The following CTIF variants were observed in gnomAD, a reference collection of about 807,000 sequenced individuals.
CTIF encodes the protein cap binding complex dependent translation initiation factor.
In CTIF, 21 loss-of-function variants were observed where a neutral mutation model predicts 66.0. The observed-to-expected ratio is 0.32, with a 90% confidence interval of 0.23 to 0.46. CTIF has a LOEUF of 0.46. Ranked by LOEUF, CTIF falls within the 20% of genes least tolerant of loss-of-function variation. The pLI, the probability that CTIF is intolerant of heterozygous loss-of-function variation, is 1.00. For missense variants in CTIF, 739 were observed against 812.7 expected, an observed-to-expected ratio of 0.91 and a Z score of 1.10; for synonymous variants, 345 against 326.4, an observed-to-expected ratio of 1.06 and a Z score of -0.62.
intron 5 of CTIF, among the ~76,000 whole-genome samples, chr18:48,667,719 G>A (rs73958911): frequency 1.3e-5 from 2 of 152,140 alleles, no homozygotes; most frequent in East Asian, 1.9e-4. Flanking sequence ...TAAATTCCTC[G>A]GCCAGTCTCA....
intron 7 of CTIF, among the ~76,000 whole-genome samples, chr18:48,730,392 G>C (rs1208665972): frequency 1.5e-5 from 2 of 130,386 alleles, no homozygotes; most frequent in Admixed American, 8.0e-5. Context: ...GGCTCCTGCT[G>C]TGTGAGGGGC....
At chr18:48,719,724 T>G (rs1468566971) in intron 7 of CTIF, among the ~76,000 whole-genome samples, 2 of 152,218 alleles carry the variant, frequency 1.3e-5, no homozygotes, top group Non-Finnish European at 1.5e-5. Context: ...CTTCTCATGG[T>G]TCTGTTTACT....
At chr18:48,663,461 G>T (rs1034109553) in intron 3 of CTIF, among the ~76,000 whole-genome samples, 1 of 152,132 alleles carries the variant, frequency 6.6e-6, no homozygotes, top group South Asian at 2.1e-4. Context: ...GCTCTGGGTG[G>T]TACAGAGCCC....
At chr18:48,838,496 GC>G (rs542246964) in intron 10 of CTIF, among the ~76,000 whole-genome samples, 1 of 152,048 alleles carries the variant, frequency 6.6e-6, no homozygotes, top group Non-Finnish European at 1.5e-5. Flanking sequence ...ATTTTTGTCC[GC>G]CCCCCTGAAA....
chr18:48,782,073 T>C (rs755507638), intron 9 of CTIF, among the ~76,000 whole-genome samples: 5 of 151,654 alleles, frequency 3.3e-5, no homozygotes, highest in Admixed American at 6.6e-5. Context: ...GTGGGTAGGA[T>C]CAAGACTTAG....
Position 48,711,604 on chromosome 18 carries a change from C to A in CTIF, c.508-15C>A, listed in dbSNP as rs766443687. The A allele has an allele frequency of 1.9e-6, 3 of 1,609,598 alleles. No homozygotes were observed. The highest frequency in any genetic ancestry group is 1.1e-5 in the South Asian group (1 of 90,856). ...GGAGTTACTAATGATCCCCCTTCCT[C>A]CCCCCATGACACAGGGCTACCACCC... On this transcript the variant is annotated splice_polypyrimidine_tract_variant and intron_variant, in intron 6 of 11. Coordinates refer to ENST00000256413, the MANE Select transcript of CTIF (RefSeq NM_014772.3).
At chr18:48,785,190 C>A (rs1322492927) in intron 9 of CTIF, among the ~76,000 whole-genome samples, 1 of 152,078 alleles carries the variant, frequency 6.6e-6, no homozygotes, top group African/African-American at 2.4e-5. Context: ...TCCTTCCTTC[C>A]CTCTCTTTCT....
chr18:48,626,166 T>A (rs1349637298), intron 2 of CTIF, among the ~76,000 whole-genome samples: 2 of 151,716 alleles, frequency 1.3e-5, no homozygotes, highest in African/African-American at 4.8e-5. Flanking sequence ...CACACCTGGC[T>A]AATTTTCGTA....
chr18:48,671,008 G>A (rs948097203), intron 6 of CTIF, among the ~76,000 whole-genome samples: 6 of 152,194 alleles, frequency 3.9e-5, no homozygotes, highest in Admixed American at 2.6e-4. Flanking sequence ...AATAGACCAT[G>A]CCCTGGCAAC....
chr18:48,732,712 C>A (rs982460963), intron 7 of CTIF, among the ~76,000 whole-genome samples: 1 of 152,228 alleles, frequency 6.6e-6, no homozygotes, highest in Non-Finnish European at 1.5e-5. Context: ...CGCAGCATTG[C>A]CTCTCCTCCA....
At position 48,609,908 on chromosome 18, in the gene CTIF, G is replaced by A. The variant is rs948325282; in HGVS notation, c.-28-9630G>A. Among the ~76,000 whole-genome samples, 94 of 152,184 alleles carry A rather than the reference G, an allele frequency of 6.2e-4. 1 individual carries two copies. Among genetic ancestry groups the A allele is most frequent in the Non-Finnish European group, 1.2e-4 (8 of 68,030 alleles). On this transcript the variant is annotated intron_variant, in intron 1 of 11. Transcript: ENST00000256413. Reference sequence around the variant, plus strand: ...ACTGGGTGACCTTGAGGGTGTGGGGGGCTGGAGCAAGTCAACTCCCAGCAT... The same window carrying A: ...ACTGGGTGACCTTGAGGGTGTGGGGAGCTGGAGCAAGTCAACTCCCAGCAT...
intron 9 of CTIF, among the ~76,000 whole-genome samples, chr18:48,768,998 C>T (rs1169545868): frequency 6.6e-6 from 1 of 152,234 alleles, no homozygotes; most frequent in African/African-American, 2.4e-5. Flanking sequence ...CGCTGAGTCT[C>T]TGAGCTTTCT....
intron 7 of CTIF, among the ~76,000 whole-genome samples, chr18:48,731,361 T>C (rs2092455596): frequency 6.6e-6 from 1 of 152,068 alleles, no homozygotes; most frequent in African/African-American, 2.4e-5. Context: ...TCAGGACAAA[T>C]CCTTTGGAAT....
intron 7 of CTIF, among the ~76,000 whole-genome samples, chr18:48,727,643 G>A (rs536696267): frequency 3.3e-5 from 5 of 152,200 alleles, no homozygotes; most frequent in African/African-American, 4.8e-5. Flanking sequence ...CCTTCTCTCC[G>A]CTGGGCTTCT....
chr18:48,774,691 A>C (rs924636663), intron 9 of CTIF, among the ~76,000 whole-genome samples: 2 of 152,182 alleles, frequency 1.3e-5, no homozygotes, highest in Non-Finnish European at 2.9e-5. Context: ...CACCCAGGTC[A>C]TTCACACCTA....
intron 1 of CTIF, among the ~76,000 whole-genome samples, chr18:48,585,817 G>A (rs1020937822): frequency 6.6e-6 from 1 of 152,164 alleles, no homozygotes; most frequent in Non-Finnish European, 1.5e-5. Flanking sequence ...CGTTTCAGCC[G>A]TCGACCCAGC....
chr18:48,619,601 G>C lies in CTIF; in HGVS notation c.36G>C (p.Glu12Asp). The C allele has an allele frequency of 6.3e-7, 1 of 1,598,374 alleles. No homozygotes were observed. Residue 12 changes from glutamate (E) to aspartate (D), a missense_variant, in exon 2 of 12, where the codon GAG (glutamate) becomes GAC (aspartate). Transcript: ENST00000256413. ...CCTCTGCAGCATCAGCCTCCTCGGA[G>C]GCAGGGAGCAGCCGCTCCCAGGAGA... ...ENSSAASASS[E>D]AGSSRSQEIE...
intron 7 of CTIF, among the ~76,000 whole-genome samples, chr18:48,737,354 CTG>C (rs1368228674): frequency 2.0e-5 from 3 of 152,232 alleles, no homozygotes; most frequent in Non-Finnish European, 4.4e-5. Context: ...AGACCCCACT[CTG>C]TCACGAAGAA....
At chr18:48,714,370 CCTCTGAT>C (rs2092259429) in intron 7 of CTIF, among the ~76,000 whole-genome samples, 1 of 152,172 alleles carries the variant, frequency 6.6e-6, no homozygotes. Flanking sequence ...CTGTGCCATG[CCTCTGAT>C]CTCCCCCCAC....
Sources: gnomAD v4.1 joint callset for allele counts (sites outside exome capture counted in the v4.1 genomes callset) on GRCh38, gnomAD v4.1.1 for gene constraint, MANE v1.5 for transcripts, NCBI Gene and HGNC (gene_info 2026-07-23, HGNC 2026-07-21) for gene names.